The following NMRAL1 variants were observed in gnomAD, a reference collection of about 807,000 sequenced individuals.
NMRAL1 encodes nmrA-like family domain-containing protein 1.
Under a neutral mutation model 27.5 loss-of-function variants are expected in NMRAL1, and 32 were observed. That is an observed-to-expected ratio of 1.16 (90% CI 0.88 to 1.56). NMRAL1 has a LOEUF of 1.56. NMRAL1 is among the 40% of genes most tolerant of loss of function. NMRAL1 has a pLI of 0.00. For missense variants in NMRAL1, 420 were observed against 392.0 expected (o/e 1.07, Z -0.60); for synonymous variants, 166 against 166.8 (o/e 1.00, Z 0.04).
intron 5 of NMRAL1, 147 bp downstream of exon 5, chr16:4,463,513 C>T: frequency 1.5e-6 from 1 of 670,610 alleles, no homozygotes; most frequent in Non-Finnish European, 2.4e-6. Context: ...CAGTTAGCTC[C>T]TGGAACAGCA....
intron 5 of NMRAL1, 140 bp from the exon 6 acceptor site, chr16:4,462,099 C>T (rs977553058): frequency 8.9e-6 from 6 of 670,802 alleles, no homozygotes; most frequent in African/African-American, 1.8e-5. Context: ...CCAGGTCCTC[C>T]GTACAAGGTC....
chr16:4,466,131 G>T, intron 4 of NMRAL1, 22 bp downstream of exon 4: 5 of 1,613,318 alleles, frequency 3.1e-6, no homozygotes, highest in Non-Finnish European at 4.2e-6. Flanking sequence ...CTGCCTCACC[G>T]TGTGCGAGAA....
chr16:4,470,458 G>A (rs939479463), intron 2 of NMRAL1, among the ~76,000 whole-genome samples: 18 of 151,430 alleles, frequency 1.2e-4, no homozygotes, highest in Non-Finnish European at 2.4e-4. Context: ...CAACAAGAGC[G>A]AAACTTGGTC....
chr16:4,466,644 G>C (rs188383821), intron 3 of NMRAL1: 7 of 524,598 alleles, frequency 1.3e-5, no homozygotes, highest in Admixed American at 9.6e-5. Context: ...AACATAGGAC[G>C]GGGGGGCAGG....
chr16:4,466,524 T>G, intron 3 of NMRAL1, 122 bp from the exon 4 acceptor site: 2 of 914,262 alleles, frequency 2.2e-6, no homozygotes, highest in Non-Finnish European at 3.3e-6. Context: ...AGACCCCACT[T>G]ACCCTTGAGG....
intron 5 of NMRAL1, chr16:4,463,336 G>C (rs768685780): frequency 4.9e-6 from 2 of 408,658 alleles, no homozygotes; most frequent in Non-Finnish European, 4.3e-6. Flanking sequence ...GGGAGGGGTC[G>C]GGTCTATCTT....
chr16:4,466,239 G>A lies in NMRAL1; in HGVS notation c.443C>T (p.Thr148Ile). Reference protein sequence around the residue: ...EYFRDIGVPMTSVRLPCYFEN... With the variant: ...EYFRDIGVPMISVRLPCYFEN... ...AAAATAGCAGGGCAGCCGCACACTGGTCATGGGAACGCCAATGTCCCGGAA... is the reference window on the plus strand; with the variant it reads ...AAAATAGCAGGGCAGCCGCACACTGATCATGGGAACGCCAATGTCCCGGAA... The change falls in exon 4 of 6, where the codon ACC (threonine) becomes ATC (isoleucine). Residue 148 changes from threonine to isoleucine, a missense_variant. Physicochemically the swap from Thr to Ile is moderately conservative, Grantham distance 89 (BLOSUM62 -1). Coordinates refer to ENST00000283429, the MANE Select transcript of NMRAL1 (RefSeq NM_020677.6). 6.2e-7 allele frequency: 1 copy of A among 1,614,144 alleles called. No homozygotes were observed. Among genetic ancestry groups the A allele is most frequent in the Non-Finnish European group, 8.5e-7 (1 of 1,180,036 alleles).
chr16:4,463,577 TG>T, intron 5 of NMRAL1, 82 bp downstream of exon 5: 2 of 1,195,594 alleles, frequency 1.7e-6, no homozygotes, highest in Non-Finnish European at 2.4e-6. Context: ...CCCAGAGGTG[TG>T]GGCAGCCCTG....
At chr16:4,464,202 AGAG>A in intron 4 of NMRAL1, 1 of 326,858 alleles carries the variant, frequency 3.1e-6, no homozygotes, top group Non-Finnish European at 5.6e-6. Context: ...AAGCTGCTAC[AGAG>A]AGTGTGGCTG....
chr16:4,470,667 G>A (rs1231924907), intron 2 of NMRAL1, among the ~76,000 whole-genome samples: 1 of 151,860 alleles, frequency 6.6e-6, no homozygotes, highest in Admixed American at 6.6e-5. Flanking sequence ...AAAAAATGAG[G>A]CCGGGTGCAG....
At chr16:4,465,517 T>C (rs1163228041) in intron 4 of NMRAL1, among the ~76,000 whole-genome samples, 2 of 152,252 alleles carry the variant, frequency 1.3e-5, no homozygotes, top group Admixed American at 6.5e-5. Flanking sequence ...GCAACTGAAC[T>C]TCATTTTCCA....
chr16:4,474,174 T>C lies in NMRAL1; in HGVS notation c.-34-8A>G. ...CGAATCCGGTCCAGAGATCTGGGGG[T>C]AATGGGAGGCGTGGAGTTGGGGGTG... On this transcript the variant is annotated splice_polypyrimidine_tract_variant and splice_region_variant and intron_variant, in intron 1 of 5. Transcript: ENST00000283429. The C allele has an allele frequency of 6.3e-7, 1 of 1,599,980 alleles. No homozygotes were observed. Among genetic ancestry groups the C allele is most frequent in the Non-Finnish European group, 8.5e-7 (1 of 1,171,526 alleles).
intron 2 of NMRAL1, among the ~76,000 whole-genome samples, chr16:4,471,079 C>T (rs547082235): frequency 2.6e-4 from 39 of 152,142 alleles, no homozygotes; most frequent in African/African-American, 8.2e-4. Context: ...TGCACTCCAG[C>T]CTGGGTGACA....
In NMRAL1 at chr16:4,474,110, AC is replaced by A. The variant is rs1230698218; in HGVS notation, c.22del (p.Val8TrpfsTer28). MVDKKLV[V>X]VFGGTGAQGG... Reference sequence around the variant, plus strand: ...TGGCTCACCTGTGCCTCCGAAAACCACCACCAGTTTCTTGTCCACCATGAGG... The same window carrying A: ...TGGCTCACCTGTGCCTCCGAAAACCACACCAGTTTCTTGTCCACCATGAGG... On this transcript the variant is annotated frameshift_variant, in exon 2 of 6. Coordinates refer to ENST00000283429, the MANE Select transcript of NMRAL1 (RefSeq NM_020677.6). LOFTEE classifies it high-confidence loss of function. 3 of 1,612,362 alleles carry A rather than the reference AC, an allele frequency of 1.9e-6. No homozygotes were observed. The highest frequency in any genetic ancestry group is 2.5e-6 in the Non-Finnish European group (3 of 1,179,218).
At chr16:4,475,468 C>G (rs568948984), upstream of NMRAL1, among the ~76,000 whole-genome samples, 380 of 151,628 alleles carry the variant, frequency 2.5e-3, 4 homozygotes, top group African/African-American at 9.0e-3. Flanking sequence ...CCACCATGCC[C>G]GGCTAAAATT....
chr16:4,463,269 G>C (rs1267163301), intron 5 of NMRAL1, among the ~76,000 whole-genome samples: 2 of 152,178 alleles, frequency 1.3e-5, no homozygotes, highest in Non-Finnish European at 2.9e-5. Flanking sequence ...CAGGCCAATG[G>C]GGGCAGGGGT....
chr16:4,473,652 C>A (rs1198809625), intron 2 of NMRAL1, among the ~76,000 whole-genome samples: 3 of 151,744 alleles, frequency 2.0e-5, no homozygotes, highest in Non-Finnish European at 2.9e-5. Context: ...GCAGGTCTGG[C>A]GTGGTGGTTC....
intron 5 of NMRAL1, among the ~76,000 whole-genome samples, chr16:4,463,235 C>T (rs1333895084): frequency 6.6e-6 from 1 of 152,200 alleles, no homozygotes; most frequent in African/African-American, 2.4e-5. Flanking sequence ...AGAGTCTGTC[C>T]AGTAGGCCTC....
Position 4,469,662 on chromosome 16 carries a change from T to G in NMRAL1, c.41-197A>C, listed in dbSNP as rs772300885. On this transcript the variant is annotated intron_variant, in intron 2 of 5. Coordinates refer to ENST00000283429, the MANE Select transcript of NMRAL1 (RefSeq NM_020677.6). Reference sequence around the variant, plus strand: ...TCTCACTCTATCACCCAGGCTGAAGTGCAGTGGCACGATCTTGGCTTGGTG... The same window carrying G: ...TCTCACTCTATCACCCAGGCTGAAGGGCAGTGGCACGATCTTGGCTTGGTG... 9.9e-5 allele frequency: 114 copies of G among 1,153,152 alleles called. No homozygotes were observed. The African/African-American group carries it at 1.5e-3, about 15-fold the overall frequency. The allele number at this position is 1,153,152 out of a possible 1,614,324, so 71.4% of individuals were successfully genotyped here.
Sources: allele counts gnomAD v4.1 joint callset (sites outside exome capture counted in the v4.1 genomes callset), GRCh38; gene constraint gnomAD v4.1.1; transcripts MANE v1.5; gene names NCBI Gene and HGNC (gene_info 2026-07-23, HGNC 2026-07-21).